The following ARHGEF10 variants were observed in gnomAD, a reference collection of about 807,000 sequenced individuals.
The protein encoded by ARHGEF10 is Rho guanine nucleotide exchange factor (GEF) 10.
A neutral mutation model predicts 147.4 loss-of-function variants in ARHGEF10; 140 were observed. The ratio of observed to expected loss-of-function variants is 0.95; its 90% CI spans 0.83 to 1.09. ARHGEF10 has a LOEUF of 1.09. Among genes scored for constraint, ARHGEF10 ranks in the 50% least tolerant of loss-of-function variants. The pLI is 0.00. For missense variants in ARHGEF10, 2,222 were observed against 1,752.7 expected, an observed-to-expected ratio of 1.27 and a Z score of -4.78; for synonymous variants, 902 against 695.8, an observed-to-expected ratio of 1.30 and a Z score of -4.67.
At chr8:1,954,004 T>C (rs960639158) in intron 28 of ARHGEF10, among the ~76,000 whole-genome samples, 1 of 152,234 alleles carries the variant, frequency 6.6e-6, no homozygotes, top group Non-Finnish European at 1.5e-5. Context: ...AGTTTTGCCA[T>C]TCATTTCCTA....
chr8:1,873,789 G>C (rs34673088), intron 7 of ARHGEF10, among the ~76,000 whole-genome samples: 22,157 of 119,336 alleles, frequency 0.19, 3,326 homozygotes, highest in East Asian at 0.32. Flanking sequence ...TAGAGTTCGG[G>C]GCTCTCAGAA....
intron 18 of ARHGEF10, among the ~76,000 whole-genome samples, chr8:1,909,761 G>C (rs977801167): frequency 2.0e-5 from 3 of 152,178 alleles, no homozygotes; most frequent in African/African-American, 7.2e-5. Flanking sequence ...GCTCAGTTTT[G>C]CGTTTCCAGT....
At chr8:1,902,807 C>G (rs73542973) in intron 15 of ARHGEF10, among the ~76,000 whole-genome samples, 3,981 of 152,276 alleles carry the variant, frequency 0.026, 141 homozygotes, top group African/African-American at 0.077. Flanking sequence ...TCCTTTGTCA[C>G]TGTGAGAGAG....
chr8:1,930,357 C>CA (rs1813025892), intron 25 of ARHGEF10, among the ~76,000 whole-genome samples: 2 of 152,134 alleles, frequency 1.3e-5, no homozygotes, highest in African/African-American at 4.8e-5. Flanking sequence ...CCCCCATCAT[C>CA]ACCACCCTGG....
chr8:1,899,064 C>A (rs1268895548), intron 15 of ARHGEF10, among the ~76,000 whole-genome samples: 1 of 152,156 alleles, frequency 6.6e-6, no homozygotes, highest in Non-Finnish European at 1.5e-5. Context: ...TCCACTGGAC[C>A]CTCATTTCTC....
At position 1,896,582 on chromosome 8, in the gene ARHGEF10, C is replaced by G. The variant is rs1809993718; in HGVS notation, c.1557+133C>G. The G allele has an allele frequency of 2.6e-5, 19 of 740,142 alleles. 1 individual carries two copies. Among genetic ancestry groups the G allele is most frequent in the Middle Eastern group, 3.4e-4 (1 of 2,916 alleles). 45.8% of individuals were successfully genotyped at this position (740,142 alleles called of 1,614,324 possible). A position where few individuals can be genotyped will look rare whatever the true frequency, so the allele number is the denominator to read the frequency against. On this transcript the variant is annotated intron_variant, in intron 14 of 28. Transcript: ENST00000349830. ...TAGTGCCCTAGATATTGGATTAATGCTAGAAATGAAGATGAATTTTAGGTC... is the reference window on the plus strand; with the variant it reads ...TAGTGCCCTAGATATTGGATTAATGGTAGAAATGAAGATGAATTTTAGGTC...
At chr8:1,873,651 G>C (rs1281651638) in intron 7 of ARHGEF10, among the ~76,000 whole-genome samples, 6 of 128,426 alleles carry the variant, frequency 4.7e-5, no homozygotes, top group East Asian at 5.4e-4. Flanking sequence ...TGCCTTGAGA[G>C]GTGCCGCGGG....
intron 7 of ARHGEF10, among the ~76,000 whole-genome samples, chr8:1,874,583 C>G (rs1000994523): frequency 3.3e-5 from 5 of 152,220 alleles, no homozygotes; most frequent in African/African-American, 7.2e-5. Context: ...TCTGGAGGGA[C>G]AGTCCAGATA....
chr8:1,882,189 G>A (rs1415701538), intron 9 of ARHGEF10, among the ~76,000 whole-genome samples: 1 of 152,238 alleles, frequency 6.6e-6, no homozygotes, highest in East Asian at 1.9e-4. Context: ...AACCATGCGT[G>A]TGAGGCGGCC....
rs761480582 is a variant in ARHGEF10, at chr8:1,893,622, A to G, written c.1236A>G (p.Val412=). 3.1e-6 allele frequency: 5 copies of G among 1,613,266 alleles called. No individual in the cohort carries two copies. The Admixed American group carries it at 5.0e-5, about 16-fold the overall frequency. The change falls in exon 12 of 29, where the codon GTA becomes GTG. Residue 412 remains valine, a synonymous_variant. Transcript: ENST00000349830. ...TTGTCGACAGTGAAAAGAACTACGT[A>G]GATGCTCTTAAGAGGATTTTGGAGG... The part of the protein sequence containing the change: ...GSVVDSEKNY[V]DALKRILEQY...
At chr8:1,901,262 G>A (rs1287202913) in intron 15 of ARHGEF10, among the ~76,000 whole-genome samples, 1 of 152,030 alleles carries the variant, frequency 6.6e-6, no homozygotes, top group East Asian at 1.9e-4. Context: ...TAGGTGGATG[G>A]GGAGACAGTG....
intron 26 of ARHGEF10, among the ~76,000 whole-genome samples, chr8:1,941,585 T>G (rs1216910206): frequency 1.3e-5 from 2 of 152,170 alleles, no homozygotes; most frequent in African/African-American, 4.8e-5. Context: ...TGCTGCCTTT[T>G]TTTTTTTAAA....
intron 27 of ARHGEF10, 156 bp downstream of exon 27, chr8:1,945,811 C>T (rs992135858): frequency 3.1e-5 from 35 of 1,139,460 alleles, no homozygotes; most frequent in Non-Finnish European, 3.9e-5. Context: ...CAGGGACAGA[C>T]GTGGGAGTAC....
upstream of ARHGEF10, chr8:1,823,900 T>A (rs1253883310): frequency 6.9e-6 from 1 of 145,288 alleles, no homozygotes; most frequent in Non-Finnish European, 1.5e-5. Flanking sequence ...GACAGCATGG[T>A]GGGTGGAGCA....
Position 1,919,917 on chromosome 8 carries a change from A to ATGATGGAGCTGTTCTATGGG in ARHGEF10, c.2144-3011_2144-2992dup, listed in dbSNP as rs1444194278. Among the ~76,000 whole-genome samples the ATGATGGAGCTGTTCTATGGG allele has an allele frequency of 4.9e-3, 433 of 88,214 alleles. 12 individuals carry two copies. Among genetic ancestry groups the ATGATGGAGCTGTTCTATGGG allele is most frequent in the African/African-American group, 0.01 (210 of 20,654 alleles). 57.9% of individuals were successfully genotyped at this position (88,214 alleles called of 152,430 possible). A position where few individuals can be genotyped will look rare whatever the true frequency, so the allele number is the denominator to read the frequency against. Reference sequence around the variant, plus strand: ...TGTCAGTGATGGAGCTGTTCTGTGGATGATGGAGCTGTTCTATGGGTGATG... The same window carrying ATGATGGAGCTGTTCTATGGG: ...TGTCAGTGATGGAGCTGTTCTGTGGATGATGGAGCTGTTCTATGGGTGATGGAGCTGTTCTATGGGTGATG... On this transcript the variant is annotated intron_variant, in intron 18 of 28. Transcript: ENST00000349830.
chr8:1,912,855 C>T (rs1321202282), intron 18 of ARHGEF10, among the ~76,000 whole-genome samples: 1 of 152,160 alleles, frequency 6.6e-6, no homozygotes, highest in Non-Finnish European at 1.5e-5. Context: ...CCAGCCTCCC[C>T]GATTGGGACT....
chr8:1,922,013 T>C (rs1331602716), intron 18 of ARHGEF10, among the ~76,000 whole-genome samples: 2 of 152,158 alleles, frequency 1.3e-5, no homozygotes, highest in African/African-American at 2.4e-5. Flanking sequence ...TTGCTTAAAG[T>C]ACAGACACTC....
chr8:1,841,021 C>T lies in ARHGEF10; in HGVS notation c.-47-2332C>T, dbSNP rs183433965. 3.3e-5 allele frequency among the ~76,000 whole-genome samples: 5 copies of T among 152,320 alleles called. No individual in the cohort carries two copies. In the East Asian group the frequency reaches 5.8e-4, roughly 18 times the overall value. On this transcript the variant is annotated intron_variant, in intron 1 of 28. Coordinates refer to ENST00000349830, the MANE Select transcript of ARHGEF10 (RefSeq NM_014629.4). The stretch of plus-strand genomic sequence containing the variant: ...GGTGGAGCGATGACCTCACTTGCCC[C>T]CTCTCCCGGCCGGTGGGTGGAAGGG...
chr8:1,905,675 C>G lies in ARHGEF10; in HGVS notation c.1926C>G (p.Phe642Leu). 1 of 1,614,180 alleles carries G rather than the reference C, an allele frequency of 6.2e-7. No homozygotes were observed. The highest frequency in any genetic ancestry group is 8.5e-7 in the Non-Finnish European group (1 of 1,180,042). Reference sequence around the variant, plus strand: ...TTAAAACCAAAGAACGCCGAGTCTTCATGTTAAATGATGTGTTAATGTGTG... The same window carrying G: ...TTAAAACCAAAGAACGCCGAGTCTTGATGTTAAATGATGTGTTAATGTGTG... ...EIVKTKERRV[F>L]MLNDVLMCAT... Residue 642 changes from phenylalanine (F) to leucine (L), a missense_variant, in exon 17 of 29, where the codon TTC (phenylalanine) becomes TTG (leucine). Phe to Leu is a conservative substitution (Grantham distance 22, BLOSUM62 0). Coordinates refer to ENST00000349830, the MANE Select transcript of ARHGEF10 (RefSeq NM_014629.4).
Sources: gnomAD v4.1 joint callset for allele counts (sites outside exome capture counted in the v4.1 genomes callset) on GRCh38, gnomAD v4.1.1 for gene constraint, MANE v1.5 for transcripts, NCBI Gene and HGNC (gene_info 2026-07-23, HGNC 2026-07-21) for gene names.